PTP4A3: variants seen among roughly 807,000 people sequenced by gnomAD.
PTP4A3 encodes the protein protein tyrosine phosphatase 4A3, also known as protein tyrosine phosphatase type IVA 3.
A neutral mutation model predicts 15.2 loss-of-function variants in PTP4A3; 9 were observed. The ratio of observed to expected loss-of-function variants is 0.59; its 90% CI spans 0.36 to 1.03. PTP4A3 has a LOEUF of 1.03. PTP4A3 is among the 50% of genes least tolerant of loss of function. The probability of loss-of-function intolerance (pLI) is 0.02; values close to 1 mark genes in which losing one functional copy is unlikely to be tolerated. For missense variants in PTP4A3, 234 were observed against 252.1 expected, an observed-to-expected ratio of 0.93 and a Z score of 0.49; for synonymous variants, 95 against 102.0, an observed-to-expected ratio of 0.93 and a Z score of 0.41.
intron 1 of PTP4A3, among the ~76,000 whole-genome samples, chr8:141,420,660 GCTC>G (rs780935347): frequency 6.6e-6 from 1 of 152,264 alleles, no homozygotes; most frequent in Non-Finnish European, 1.5e-5. Flanking sequence ...GCCTCCCTGA[GCTC>G]CTGGAGGGGC....
At chr8:141,409,769 G>T (rs1233959384) in intron 1 of PTP4A3, among the ~76,000 whole-genome samples, 1 of 152,210 alleles carries the variant, frequency 6.6e-6, no homozygotes, top group East Asian at 1.9e-4. Flanking sequence ...AGTGCAGGCT[G>T]CCCAGCGTGC....
At chr8:141,430,522 C>T (rs761157436) in intron 5 of PTP4A3, among the ~76,000 whole-genome samples, 1 of 152,188 alleles carries the variant, frequency 6.6e-6, no homozygotes, top group Non-Finnish European at 1.5e-5. Context: ...AAGGGAAGGT[C>T]GCGCAGCTGG....
At chr8:141,428,805 C>T (rs1454157984) in intron 5 of PTP4A3, among the ~76,000 whole-genome samples, 2 of 144,034 alleles carry the variant, frequency 1.4e-5, no homozygotes, top group African/African-American at 5.4e-5. Flanking sequence ...TACGCAGGCA[C>T]ACACTCACAG....
Position 141,425,751 on chromosome 8 carries a change from C to T in PTP4A3, c.198+611C>T, listed in dbSNP as rs965091251. On this transcript the variant is annotated intron_variant, in intron 3 of 5. Transcript: ENST00000521578. The surrounding 1 kb of genome is among the most constrained non-coding windows in gnomAD (Gnocchi z 4.2). The stretch of plus-strand genomic sequence containing the variant: ...CGCCTGGGCCTCAGTCTCCTCAGTG[C>T]GGAGCACCCCTCAGTCACTGCTTTT... 1.3e-5 allele frequency among the ~76,000 whole-genome samples: 2 copies of T among 152,194 alleles called. No individual in the cohort carries two copies. Among genetic ancestry groups the T allele is most frequent in the Non-Finnish European group, 1.5e-5 (1 of 68,024 alleles).
intron 1 of PTP4A3, among the ~76,000 whole-genome samples, chr8:141,416,239 AC>A (rs1254066689): frequency 1.3e-5 from 2 of 150,972 alleles, no homozygotes; most frequent in African/African-American, 2.4e-5. Context: ...GGAGCAGCTT[AC>A]CCCAGAGGTC....
chr8:141,404,469 G>C (rs750532447), intron 1 of PTP4A3, among the ~76,000 whole-genome samples: 4 of 152,258 alleles, frequency 2.6e-5, no homozygotes, highest in African/African-American at 4.8e-5. Context: ...TGGCCCCCAT[G>C]AGTCCAGCTC....
chr8:141,394,277 C>T (rs1007026722), intron 1 of PTP4A3, among the ~76,000 whole-genome samples: 1 of 151,306 alleles, frequency 6.6e-6, no homozygotes, highest in African/African-American at 2.5e-5. Flanking sequence ...GCTGGGAGCT[C>T]CTGGGCCTGG....
Position 141,431,237 on chromosome 8 carries a change from CT to C in PTP4A3, c.*194del. On this transcript the variant is annotated 3_prime_UTR_variant, in exon 6 of 6. Transcript: ENST00000521578. ...AGGAGCCCCTCGGGCCCTGGGTGGC[CT>C]CTGGGCCCTTTCTCCTGTCTCCGCC... is the stretch of plus-strand genomic sequence containing the variant. 1.7e-6 allele frequency: 1 copy of C among 598,108 alleles called. No individual in the cohort carries two copies. Among genetic ancestry groups the C allele is most frequent in the Non-Finnish European group, 3.0e-6 (1 of 338,836 alleles). The allele number at this position is 598,108 out of a possible 1,614,324, so 37.1% of individuals were successfully genotyped here. A position where few individuals can be genotyped will look rare whatever the true frequency, so the allele number is the denominator to read the frequency against.
intron 1 of PTP4A3, chr8:141,392,295 C>G (rs1832304209): frequency 6.6e-6 from 1 of 152,012 alleles, no homozygotes; most frequent in African/African-American, 2.4e-5. Flanking sequence ...GAGGCTGCCA[C>G]GTGCCGGGGC....
At position 141,406,124 on chromosome 8, in the gene PTP4A3, G is replaced by C. The variant is rs931318407; in HGVS notation, c.-854+14040G>C. Among the ~76,000 whole-genome samples the C allele has an allele frequency of 8.5e-5, 13 of 152,184 alleles. No homozygotes were observed. Among genetic ancestry groups the C allele is most frequent in the Admixed American group, 4.6e-4 (7 of 15,286 alleles). ...GTCGAGGACACTGGTGGGGGCAGTG[G>C]TGGGGATACCCAGGATGCCAGATGG... On this transcript the variant is annotated intron_variant, in intron 1 of 5. Coordinates refer to ENST00000521578, the MANE Select transcript of PTP4A3 (RefSeq NM_032611.3). The surrounding 1 kb of genome is among the most constrained non-coding windows in gnomAD (Gnocchi z 4.5).
intron 1 of PTP4A3, chr8:141,392,345 G>A (rs1329908937): frequency 2.6e-5 from 4 of 152,128 alleles, no homozygotes; most frequent in African/African-American, 9.6e-5. Flanking sequence ...GCGAGCCACA[G>A]AACACCCCTG....
At chr8:141,396,581 G>A (rs2129785849) in intron 1 of PTP4A3, among the ~76,000 whole-genome samples, 1 of 152,234 alleles carries the variant, frequency 6.6e-6, no homozygotes, top group East Asian at 1.9e-4. Context: ...ACAGTCCCGA[G>A]CCCTGCCCCG....
At position 141,425,196 on chromosome 8, in the gene PTP4A3, C is replaced by CGGGGGGGGGGGGGTGGGGGGGGG; in HGVS notation, c.198+62_198+63insGGGGGGGTGGGGGGGGGGGGGGG. On this transcript the variant is annotated intron_variant, in intron 3 of 5. Coordinates refer to ENST00000521578, the MANE Select transcript of PTP4A3 (RefSeq NM_032611.3). This position sits in a 1 kb window ranked among gnomAD's most constrained non-coding sequence, Gnocchi z 4.2. ...CTGCTGCCACCGGGGGAGGGTGGGG[C>CGGGGGGGGGGGGGTGGGGGGGGG]GGGGGGCTCCGGGCCTGCGCAGAGG... The CGGGGGGGGGGGGGTGGGGGGGGG allele has an allele frequency of 8.3e-6, 3 of 361,484 alleles. No individual in the cohort carries two copies. The highest frequency in any genetic ancestry group is 2.6e-5 in the African/African-American group (1 of 38,258). The allele number at this position is 361,484 out of a possible 1,614,324, so 22.4% of individuals were successfully genotyped here.
intron 1 of PTP4A3, among the ~76,000 whole-genome samples, chr8:141,409,180 C>A (rs950800030): frequency 1.6e-4 from 24 of 152,314 alleles, no homozygotes; most frequent in African/African-American, 5.5e-4. Context: ...CCTCCCTGGG[C>A]CCTGCTAGGG....
In PTP4A3 at chr8:141,431,305, G is replaced by A. The variant is rs1170622632; in HGVS notation, c.*261G>A. On this transcript the variant is annotated 3_prime_UTR_variant, in exon 6 of 6. Coordinates refer to ENST00000521578, the MANE Select transcript of PTP4A3 (RefSeq NM_032611.3). ...CTGGCCGTGGCTCTGTCTCTCTGAG[G>A]TGGGTCGGGCGCCCTCTGCCCGCCC... 11 of 541,080 alleles carry A rather than the reference G, an allele frequency of 2.0e-5. No homozygotes were observed. The highest frequency in any genetic ancestry group is 2.6e-5 in the Non-Finnish European group (8 of 304,278). The allele number at this position is 541,080 out of a possible 1,614,324, so 33.5% of individuals were successfully genotyped here.
At chr8:141,407,232 C>T (rs1832753499) in intron 1 of PTP4A3, among the ~76,000 whole-genome samples, 1 of 152,252 alleles carries the variant, frequency 6.6e-6, no homozygotes, top group Non-Finnish European at 1.5e-5. Flanking sequence ...TCCAGTCCCT[C>T]TCCTGCCCTC....
intron 1 of PTP4A3, among the ~76,000 whole-genome samples, chr8:141,396,146 A>G (rs1227329582): frequency 1.3e-5 from 2 of 152,214 alleles, no homozygotes; most frequent in Non-Finnish European, 2.9e-5. Flanking sequence ...TACAGCCAGA[A>G]CCGGCCCCAT....
At chr8:141,414,262 C>T (rs6578174) in intron 1 of PTP4A3, among the ~76,000 whole-genome samples, 55,364 of 152,102 alleles carry the variant, frequency 0.36, 10,784 homozygotes, top group East Asian at 0.6. Context: ...CCTGTCCACT[C>T]GCTGGACATT....
intron 1 of PTP4A3, among the ~76,000 whole-genome samples, chr8:141,397,030 A>G (rs1433057040): frequency 6.6e-6 from 1 of 152,160 alleles, no homozygotes; most frequent in African/African-American, 2.4e-5. Flanking sequence ...TTTCCCGGCC[A>G]GGGAGGAAGC....
Sources: allele counts gnomAD v4.1 joint callset (sites outside exome capture counted in the v4.1 genomes callset), GRCh38; gene constraint gnomAD v4.1.1; non-coding constraint Gnocchi (gnomAD v3.1); transcripts MANE v1.5; gene names NCBI Gene and HGNC (gene_info 2026-07-23, HGNC 2026-07-21).